The following SLC2A13 variants were observed in gnomAD, a reference collection of about 807,000 sequenced individuals.
SLC2A13 encodes the protein solute carrier family 2 member 13.
Under a neutral mutation model 64.4 loss-of-function variants are expected in SLC2A13, and 32 were observed. The observed-to-expected ratio is 0.50, with a 90% CI of 0.37 to 0.67. SLC2A13 has a LOEUF of 0.67. Among genes scored for constraint, SLC2A13 ranks in the 30% least tolerant of loss-of-function variants. The pLI is 0.00. For synonymous variants in SLC2A13, 338 were observed against 327.1 expected (o/e 1.03, Z -0.36); for missense variants, 743 against 829.2 (o/e 0.90, Z 1.28).
chr12:39,896,384 G>A (rs1944883767), intron 4 of SLC2A13, among the ~76,000 whole-genome samples: 1 of 119,156 alleles, frequency 8.4e-6, no homozygotes, highest in African/African-American at 4.2e-5. Flanking sequence ...ATATATGTAT[G>A]TATATGTGTA....
At position 39,764,747 on chromosome 12, in the gene SLC2A13, G is replaced by C. The variant is rs1346754458; in HGVS notation, c.1557C>G (p.Phe519Leu). The C allele has an allele frequency of 6.2e-7, 1 of 1,612,574 alleles. No homozygotes were observed. The highest frequency in any genetic ancestry group is 8.5e-7 in the Non-Finnish European group (1 of 1,179,242). ...ALLGLILYLV[F>L]FAPGMGPMPW... The stretch of plus-strand genomic sequence containing the variant: ...AAAGTCTTTGTTTACCAGGTGCAAA[G>C]AAGACAAGATATAAAATAAGGCCCA... The change falls in exon 8 of 10, where the codon TTC becomes TTG. Residue 519 changes from phenylalanine (F) to leucine (L), a missense_variant. Phe to Leu is a conservative substitution (Grantham distance 22). This residue lies in a region of SLC2A13 where 295 missense variants were observed against 381.7 expected (regional missense o/e 0.77). Coordinates refer to ENST00000280871, the MANE Select transcript of SLC2A13 (RefSeq NM_052885.4).
intron 4 of SLC2A13, among the ~76,000 whole-genome samples, chr12:39,899,063 T>C (rs1434136342): frequency 2.6e-5 from 4 of 151,666 alleles, no homozygotes; most frequent in African/African-American, 9.7e-5. Flanking sequence ...ATGGTACCAG[T>C]TCCTCCTTGT....
rs1454023819 is a variant in SLC2A13, at chr12:40,105,818, G to A, written c.-10C>T. ...TTGCCTTGCGGGACATAGGGCAGGG[G>A]CCCGGGGCTGCCCGGGGGGACGCGG... On this transcript the variant is annotated 5_prime_UTR_variant, in exon 1 of 10. Coordinates refer to ENST00000280871, the MANE Select transcript of SLC2A13 (RefSeq NM_052885.4). This position sits in a 1 kb window ranked among gnomAD's most constrained non-coding sequence, Gnocchi z 4.2. The A allele has an allele frequency of 4.9e-6, 7 of 1,421,854 alleles. No homozygotes were observed. The South Asian group carries it at 9.1e-5, about 18-fold the overall frequency. The allele number at this position is 1,421,854 out of a possible 1,614,324, so 88.1% of individuals were successfully genotyped here. A position where few individuals can be genotyped will look rare whatever the true frequency, so the allele number is the denominator to read the frequency against.
chr12:39,927,983 T>C (rs545625357), intron 4 of SLC2A13, among the ~76,000 whole-genome samples: 4 of 152,320 alleles, frequency 2.6e-5, no homozygotes, highest in African/African-American at 7.2e-5. Context: ...AAATTATCTA[T>C]ATAACTATAA....
At chr12:39,908,403 C>A (rs959279542) in intron 4 of SLC2A13, 1 of 151,870 alleles carries the variant, frequency 6.6e-6, no homozygotes, top group African/African-American at 2.4e-5. Flanking sequence ...TAAAACCCCC[C>A]AGACAACTAC....
intron 4 of SLC2A13, among the ~76,000 whole-genome samples, chr12:39,888,560 G>C (rs1052736823): frequency 2.1e-4 from 32 of 152,220 alleles, no homozygotes; most frequent in Admixed American, 7.9e-4. Flanking sequence ...AACTTAGCAG[G>C]GTACCTGTAA....
chr12:40,038,885 T>C (rs1948035062), intron 2 of SLC2A13, among the ~76,000 whole-genome samples: 1 of 152,184 alleles, frequency 6.6e-6, no homozygotes, highest in Non-Finnish European at 1.5e-5. Context: ...TTAATAGTAT[T>C]GTACTGCTTT....
At chr12:39,971,906 C>T (rs1191222094) in intron 3 of SLC2A13, among the ~76,000 whole-genome samples, 6 of 146,932 alleles carry the variant, frequency 4.1e-5, no homozygotes, top group Admixed American at 1.4e-4. Flanking sequence ...GCCCAGGAGG[C>T]GGAGGTTGCA....
chr12:39,938,134 C>T (rs1417203488), intron 4 of SLC2A13, among the ~76,000 whole-genome samples: 2 of 152,078 alleles, frequency 1.3e-5, no homozygotes, highest in Non-Finnish European at 2.9e-5. Context: ...CTGCAGTACA[C>T]AGGGAGCAGA....
At chr12:39,966,539 A>G (rs985636158) in intron 3 of SLC2A13, among the ~76,000 whole-genome samples, 2 of 152,146 alleles carry the variant, frequency 1.3e-5, no homozygotes, top group African/African-American at 2.4e-5. Flanking sequence ...TTTTAACAAT[A>G]GAAATTAGAA....
At chr12:39,765,083 T>C (rs1200261210) in intron 7 of SLC2A13, among the ~76,000 whole-genome samples, 1 of 152,100 alleles carries the variant, frequency 6.6e-6, no homozygotes, top group Non-Finnish European at 1.5e-5. Flanking sequence ...CCGTGTTTTA[T>C]AACCATTTCA....
intron 2 of SLC2A13, among the ~76,000 whole-genome samples, chr12:40,043,932 T>G (rs1313224172): frequency 6.6e-6 from 1 of 152,188 alleles, no homozygotes; most frequent in Non-Finnish European, 1.5e-5. Flanking sequence ...GGAAGCAGTC[T>G]GGCCAGTCCT....
At chr12:39,923,265 C>A (rs1357665972) in intron 4 of SLC2A13, among the ~76,000 whole-genome samples, 1 of 151,882 alleles carries the variant, frequency 6.6e-6, no homozygotes, top group Non-Finnish European at 1.5e-5. Context: ...AAGTGTCCAA[C>A]AAATGAATGA....
chr12:39,779,202 G>C (rs1345939838), intron 7 of SLC2A13, among the ~76,000 whole-genome samples: 2 of 152,178 alleles, frequency 1.3e-5, no homozygotes, highest in African/African-American at 4.8e-5. Flanking sequence ...ACTTTGGCAA[G>C]CCATTCAACC....
intron 6 of SLC2A13, among the ~76,000 whole-genome samples, chr12:39,842,984 T>G (rs1161685567): frequency 6.6e-6 from 1 of 152,062 alleles, no homozygotes; most frequent in Non-Finnish European, 1.5e-5. Context: ...CTGTAGGATA[T>G]ATCACACTTC....
At chr12:39,812,379 T>TTTCTTTTC (rs1566819036) in intron 7 of SLC2A13, among the ~76,000 whole-genome samples, 1 of 138,204 alleles carries the variant, frequency 7.2e-6, no homozygotes, top group Non-Finnish European at 1.6e-5. Context: ...TTTCTTTTCT[T>TTTCTTTTC]TTCTTTCTTT....
At chr12:39,857,483 G>A (rs181041128) in intron 6 of SLC2A13, among the ~76,000 whole-genome samples, 8 of 152,154 alleles carry the variant, frequency 5.3e-5, no homozygotes, top group Admixed American at 1.3e-4. Context: ...AAAATATCTC[G>A]TTTCTCTATA....
intron 7 of SLC2A13, among the ~76,000 whole-genome samples, chr12:39,807,662 G>A (rs945593495): frequency 3.9e-5 from 6 of 152,070 alleles, no homozygotes; most frequent in Non-Finnish European, 5.9e-5. Flanking sequence ...ACATGATTTA[G>A]TTTTTCTATT....
At chr12:39,799,297 A>T (rs1161223846) in intron 7 of SLC2A13, among the ~76,000 whole-genome samples, 1 of 136,794 alleles carries the variant, frequency 7.3e-6, no homozygotes, top group Non-Finnish European at 1.5e-5. Flanking sequence ...TTTAGTAGCA[A>T]TGGGGTTTCG....
Sources: gnomAD v4.1 joint callset for allele counts (sites outside exome capture counted in the v4.1 genomes callset) on GRCh38, gnomAD v4.1.1 for gene constraint, gnomAD v4.1.1 regional missense constraint, Gnocchi (gnomAD v3.1) non-coding constraint, MANE v1.5 for transcripts, NCBI Gene and HGNC (gene_info 2026-07-23, HGNC 2026-07-21) for gene names.